COL9A1: variants seen among roughly 807,000 people sequenced by gnomAD.
The protein encoded by COL9A1 is collagen type IX alpha 1 chain.
In COL9A1, 104 loss-of-function variants were observed where a neutral mutation model predicts 142.6. The observed-to-expected ratio is 0.73, with a 90% CI of 0.62 to 0.86. The LOEUF (loss-of-function observed/expected upper bound fraction) is 0.86, where lower values mean the gene tolerates loss of function less well. Ranked by LOEUF, COL9A1 falls within the 40% of genes least tolerant of loss-of-function variation. The probability of loss-of-function intolerance (pLI) is 0.00; values close to 1 mark genes in which losing one functional copy is unlikely to be tolerated. For synonymous variants in COL9A1, 466 were observed against 396.0 expected (o/e 1.18, Z -2.10); for missense variants, 1,210 against 1,176.6 (o/e 1.03, Z -0.42).
At position 70,239,318 on chromosome 6, in the gene COL9A1, A is replaced by G. The variant is rs779542601; in HGVS notation, c.2080-32T>C. 8 of 1,373,582 alleles carry G rather than the reference A, an allele frequency of 5.8e-6. No homozygotes were observed. In the Admixed American group the frequency reaches 1.3e-4, roughly 23 times the overall value. The allele number at this position is 1,373,582 out of a possible 1,614,324, so 85.1% of individuals were successfully genotyped here. ...CAATAAAAGAAATTTATGTTAGAAC[A>G]ATGTATTCACATTTGATAATTTCCT... On this transcript the variant is annotated intron_variant, in intron 32 of 37. Coordinates refer to ENST00000357250, the MANE Select transcript of COL9A1 (RefSeq NM_001851.6).
At chr6:70,235,180 G>T (rs1166201953) in intron 33 of COL9A1, among the ~76,000 whole-genome samples, 1 of 152,170 alleles carries the variant, frequency 6.6e-6, no homozygotes, top group Non-Finnish European at 1.5e-5. Context: ...TTGGCTGGGT[G>T]TGGTGGCTTA....
In COL9A1 at chr6:70,254,463, A is replaced by G. The variant is rs749772491; in HGVS notation, c.1719+13T>C. The G allele has an allele frequency of 3.1e-6, 5 of 1,613,496 alleles. No homozygotes were observed. In the South Asian group the frequency reaches 5.5e-5, roughly 18 times the overall value. ...ATATAAACCAATTAACATGTAAAGA[A>G]TCAAATACTTACTGGTAACCCCTGC... On this transcript the variant is annotated intron_variant, in intron 25 of 37. Transcript: ENST00000357250.
At chr6:70,262,456 G>A (rs547713756) in intron 19 of COL9A1, among the ~76,000 whole-genome samples, 2 of 152,178 alleles carry the variant, frequency 1.3e-5, no homozygotes, top group South Asian at 4.1e-4. Flanking sequence ...CAGTCCTGTG[G>A]AGAAGAGCAG....
rs761469649 is a variant in COL9A1 at position 70,280,985 on chromosome 6, T to C, written c.912+19A>G. The C allele has an allele frequency of 6.2e-7, 1 of 1,612,506 alleles. No individual in the cohort carries two copies. The highest frequency in any genetic ancestry group is 8.5e-7 in the Non-Finnish European group (1 of 1,178,788). The stretch of plus-strand genomic sequence containing the variant: ...TCTAAAGGAAGGAAGTGGAGCGCCA[T>C]ATGCTCCAATCAACTTACCGGGGGG... On this transcript the variant is annotated intron_variant, in intron 9 of 37. Transcript: ENST00000357250.
intron 28 of COL9A1, among the ~76,000 whole-genome samples, chr6:70,247,669 C>T (rs1404977823): frequency 6.6e-6 from 1 of 152,160 alleles, no homozygotes; most frequent in Non-Finnish European, 1.5e-5. Flanking sequence ...ATTGAAAGGT[C>T]ATATTAGTCC....
chr6:70,244,273 A>G (rs1770450157), intron 28 of COL9A1, among the ~76,000 whole-genome samples: 2 of 152,200 alleles, frequency 1.3e-5, no homozygotes, highest in African/African-American at 2.4e-5. Flanking sequence ...ATTGGTCCTT[A>G]ACCTCATGAG....
At chr6:70,246,551 T>G (rs912907457) in intron 28 of COL9A1, among the ~76,000 whole-genome samples, 1 of 152,152 alleles carries the variant, frequency 6.6e-6, no homozygotes, top group African/African-American at 2.4e-5. Flanking sequence ...TTATCTTTAT[T>G]TAGCCCCTTG....
At chr6:70,287,312 A>C (rs934736780) in intron 5 of COL9A1, among the ~76,000 whole-genome samples, 1 of 150,850 alleles carries the variant, frequency 6.6e-6, no homozygotes, top group Non-Finnish European at 1.5e-5. Flanking sequence ...GAATTTAAAT[A>C]TTATTTGGTA....
Position 70,242,059 on chromosome 6 carries a change from C to T in COL9A1, c.1927-24G>A, listed in dbSNP as rs539938911. On this transcript the variant is annotated intron_variant, in intron 29 of 37. Coordinates refer to ENST00000357250, the MANE Select transcript of COL9A1 (RefSeq NM_001851.6). ...CCCTGGAAAGCAAAAACAAAGTCCC[C>T]GGAGTTACTGTCACTGCAACACTGA... 2.7e-5 allele frequency: 42 copies of T among 1,572,576 alleles called. No individual in the cohort carries two copies. The South Asian group carries it at 4.1e-4, about 15-fold the overall frequency.
At chr6:70,302,863 AC>A (rs747560454) in intron 1 of COL9A1, 47 bp downstream of exon 1, 14 of 1,603,124 alleles carry the variant, frequency 8.7e-6, no homozygotes, top group East Asian at 2.2e-5. Flanking sequence ...GGTTCTGAGG[AC>A]CCCCAGCTCC....
chr6:70,294,697 T>A lies in COL9A1; in HGVS notation c.300-134A>T. 3.8e-6 allele frequency: 3 copies of A among 786,800 alleles called. No individual in the cohort carries two copies. The South Asian group carries it at 4.8e-5, about 13-fold the overall frequency. The allele number at this position is 786,800 out of a possible 1,614,324, so 48.7% of individuals were successfully genotyped here. ...ACAGTGTAAAAACCTATGTACCGTT[T>A]GTTCTTTCATGACTGTTCATAAAGA... is the stretch of plus-strand genomic sequence containing the variant. On this transcript the variant is annotated intron_variant, in intron 4 of 37. Coordinates refer to ENST00000357250, the MANE Select transcript of COL9A1 (RefSeq NM_001851.6).
chr6:70,293,134 C>T (rs932764684), intron 5 of COL9A1, among the ~76,000 whole-genome samples: 5 of 152,246 alleles, frequency 3.3e-5, no homozygotes, highest in South Asian at 2.1e-4. Flanking sequence ...TATCACCCTG[C>T]TACACTCCGT....
chr6:70,255,440 C>T, intron 21 of COL9A1, 50 bp from the exon 22 acceptor site: 1 of 1,510,354 alleles, frequency 6.6e-7, no homozygotes, highest in Non-Finnish European at 9.2e-7. Flanking sequence ...ACTTATTAAT[C>T]AACTTTTAAA....
In COL9A1 at chr6:70,260,726, A is replaced by G; in HGVS notation, c.1396-16T>C. ...CCTGGGCTCCCTGGAAATGTGAAAA[A>G]GAGAAGTGAATTATTTTAGTTGAAG... is the stretch of plus-strand genomic sequence containing the variant. On this transcript the variant is annotated splice_polypyrimidine_tract_variant and intron_variant, in intron 19 of 37. Coordinates refer to ENST00000357250, the MANE Select transcript of COL9A1 (RefSeq NM_001851.6). The G allele has an allele frequency of 6.2e-7, 1 of 1,613,322 alleles. No homozygotes were observed. The highest frequency in any genetic ancestry group is 8.5e-7 in the Non-Finnish European group (1 of 1,179,558).
Position 70,281,451 on chromosome 6 carries a change from C to A in COL9A1, c.815G>T (p.Gly272Val). The change falls in exon 8 of 38, where the codon GGT (glycine) becomes GTT (valine). Residue 272 changes from glycine (G) to valine (V), a missense_variant. Gly to Val is a moderately radical substitution (Grantham distance 109). Coordinates refer to ENST00000357250, the MANE Select transcript of COL9A1 (RefSeq NM_001851.6). ...SQTTDERGPP[G>V]EQGPPGPPGP... ...CGGAGGCCCGGGAGGACCCTGCTCA[C>A]CCGGGGGACCTCTCTGGCAAAAATA... The A allele has an allele frequency of 1.2e-6, 2 of 1,612,534 alleles. No homozygotes were observed. The highest frequency in any genetic ancestry group is 2.2e-5 in the South Asian group (2 of 90,828).
chr6:70,225,926 A>G lies in COL9A1; in HGVS notation c.2581+6T>C, dbSNP rs768642091. 23 of 1,613,110 alleles carry G rather than the reference A, an allele frequency of 1.4e-5. No individual in the cohort carries two copies. Among genetic ancestry groups the G allele is most frequent in the Non-Finnish European group, 1.8e-5 (21 of 1,179,222 alleles). On this transcript the variant is annotated splice_donor_region_variant and intron_variant, in intron 37 of 37. Coordinates refer to ENST00000357250, the MANE Select transcript of COL9A1 (RefSeq NM_001851.6). ...CCTCCTCCTCTCAGCTATACAACAC[A>G]CTTACCTGGGAGACCTATAGCTCCA...
At chr6:70,252,526 T>G (rs958189456) in intron 26 of COL9A1, among the ~76,000 whole-genome samples, 1 of 152,180 alleles carries the variant, frequency 6.6e-6, no homozygotes, top group Non-Finnish European at 1.5e-5. Context: ...GGAAATATAT[T>G]AAAGGTCAAA....
At chr6:70,267,473 C>A (rs1234876699) in intron 17 of COL9A1, among the ~76,000 whole-genome samples, 1 of 152,026 alleles carries the variant, frequency 6.6e-6, no homozygotes. Context: ...CAGGCGTGTG[C>A]CACTATGCCC....
chr6:70,251,464 A>G (rs1487819609), intron 28 of COL9A1, among the ~76,000 whole-genome samples: 1 of 152,190 alleles, frequency 6.6e-6, no homozygotes, highest in Non-Finnish European at 1.5e-5. Flanking sequence ...GGAGGACTGC[A>G]TGAGCCCAGG....
Sources: allele counts gnomAD v4.1 joint callset (sites outside exome capture counted in the v4.1 genomes callset), GRCh38; gene constraint gnomAD v4.1.1; transcripts MANE v1.5; gene names NCBI Gene and HGNC (gene_info 2026-07-23, HGNC 2026-07-21).